Variants in SEMA3E observed in about 807,000 individuals in gnomAD.
The protein encoded by SEMA3E is semaphorin 3E.
Under a neutral mutation model 93.6 loss-of-function variants are expected in SEMA3E, and 49 were observed. The ratio of observed to expected loss-of-function variants is 0.52; its 90% CI spans 0.42 to 0.66. SEMA3E has a LOEUF of 0.66. Among genes scored for constraint, SEMA3E ranks in the 30% least tolerant of loss-of-function variants. SEMA3E has a pLI of 0.00. For missense variants in SEMA3E, 906 were observed against 964.8 expected (o/e 0.94, Z 0.81); for synonymous variants, 363 against 330.7 (o/e 1.10, Z -1.06).
Position 83,648,655 on chromosome 7 carries a change from C to CG in SEMA3E, c.-114dup. On this transcript the variant is annotated 5_prime_UTR_variant, in exon 1 of 17. An upstream open reading frame in the 5' UTR loses its in-frame stop. Transcript: ENST00000643230. Reference sequence around the variant, plus strand: ...GAGAGGCTTTGTCAGAAATCGAACGCGTTGTCATCAGAAAGCACAGTTCCG... The same window carrying CG: ...GAGAGGCTTTGTCAGAAATCGAACGCGGTTGTCATCAGAAAGCACAGTTCCG... The CG allele has an allele frequency of 1.3e-6, 1 of 788,168 alleles. No individual in the cohort carries two copies. The highest frequency in any genetic ancestry group is 2.2e-6 in the Non-Finnish European group (1 of 451,192). The allele number at this position is 788,168 out of a possible 1,614,324, so 48.8% of individuals were successfully genotyped here. A position where few individuals can be genotyped will look rare whatever the true frequency, so the allele number is the denominator to read the frequency against.
intron 4 of SEMA3E, among the ~76,000 whole-genome samples, chr7:83,455,899 C>T (rs978446261): frequency 2.0e-5 from 3 of 152,168 alleles, no homozygotes; most frequent in Admixed American, 6.5e-5. Context: ...CTCATGAACC[C>T]GGAATATGAC....
intron 1 of SEMA3E, among the ~76,000 whole-genome samples, chr7:83,536,056 C>T (rs1385778353): frequency 6.6e-6 from 1 of 152,028 alleles, no homozygotes; most frequent in Non-Finnish European, 1.5e-5. Flanking sequence ...TGTGAAGCAG[C>T]CAAAATGTCT....
At position 83,385,415 on chromosome 7, in the gene SEMA3E, G is replaced by T. The variant is rs761147897; in HGVS notation, c.1754C>A (p.Thr585Asn). 29 of 1,613,230 alleles carry T rather than the reference G, an allele frequency of 1.8e-5. No individual in the cohort carries two copies. The highest frequency in any genetic ancestry group is 5.0e-5 in the Admixed American group (3 of 59,944). The change falls in exon 16 of 17, where the codon ACT (threonine) becomes AAT (asparagine). Residue 585 changes from threonine to asparagine, a missense_variant. Transcript: ENST00000643230. Reference protein sequence around the residue: ...QQFVGDALDKTEEHLAYGIEN... With the variant: ...QQFVGDALDKNEEHLAYGIEN... ...TATGCCATAAGCCAGATGTTCTTCAGTCTTATCCAAAGCATCCCCTACAAC... is the reference window on the plus strand; with the variant it reads ...TATGCCATAAGCCAGATGTTCTTCATTCTTATCCAAAGCATCCCCTACAAC...
At chr7:83,484,010 C>G (rs1449619460) in intron 2 of SEMA3E, among the ~76,000 whole-genome samples, 1 of 152,146 alleles carries the variant, frequency 6.6e-6, no homozygotes, top group Non-Finnish European at 1.5e-5. Flanking sequence ...CTGACCCCAC[C>G]TTTCCAAGAC....
chr7:83,616,121 T>C (rs1208544755), intron 1 of SEMA3E, among the ~76,000 whole-genome samples: 8 of 152,116 alleles, frequency 5.3e-5, no homozygotes, highest in Non-Finnish European at 1.2e-4. Context: ...ATAATTATGT[T>C]CAGTTGGGGG....
chr7:83,366,800 T>A lies in SEMA3E; in HGVS notation c.*786A>T, dbSNP rs184345617. The A allele has an allele frequency of 6.6e-6, 1 of 152,286 alleles. No individual in the cohort carries two copies. Among genetic ancestry groups the A allele is most frequent in the African/African-American group, 2.4e-5 (1 of 41,562 alleles). The allele number at this position is 152,286 out of a possible 1,614,324, so 9.4% of individuals were successfully genotyped here. On this transcript the variant is annotated 3_prime_UTR_variant, in exon 17 of 17. Transcript: ENST00000643230. ...TAGAGAAAAAAGAAATGTGTGAGAA[T>A]ATAATTTTTTTTACCACAAGAGGGA...
At chr7:83,538,659 CAT>C (rs769415632) in intron 1 of SEMA3E, among the ~76,000 whole-genome samples, 17 of 152,074 alleles carry the variant, frequency 1.1e-4, no homozygotes, top group Admixed American at 2.0e-4. Flanking sequence ...ATAGCTGAAA[CAT>C]ATTTTATGAT....
chr7:83,490,306 C>A, intron 1 of SEMA3E, 32 bp from the exon 2 acceptor site: 1 of 1,604,424 alleles, frequency 6.2e-7, no homozygotes, highest in Non-Finnish European at 8.5e-7. Context: ...ACACTAAGCA[C>A]ACGAGAAAAT....
intron 4 of SEMA3E, among the ~76,000 whole-genome samples, chr7:83,421,163 TC>T (rs1240582941): frequency 1.2e-4 from 17 of 142,326 alleles, no homozygotes; most frequent in African/African-American, 4.3e-4. Flanking sequence ...AAATGTACTC[TC>T]AATAATTTGG....
intron 1 of SEMA3E, among the ~76,000 whole-genome samples, chr7:83,500,109 T>A (rs1337824043): frequency 2.6e-5 from 4 of 152,314 alleles, no homozygotes; most frequent in African/African-American, 9.6e-5. Flanking sequence ...TATGAACTAC[T>A]GTGGTATTTT....
In SEMA3E at chr7:83,392,711, T is replaced by C. The variant is rs779888216; in HGVS notation, c.1511A>G (p.Tyr504Cys). 1.2e-6 allele frequency: 2 copies of C among 1,613,782 alleles called. No homozygotes were observed. The highest frequency in any genetic ancestry group is 3.3e-5 in the Admixed American group (2 of 59,970). The change falls in exon 14 of 17, where the codon TAT (tyrosine) becomes TGT (cysteine). Residue 504 changes from tyrosine to cysteine, a missense_variant. Physicochemically the swap from Tyr to Cys is radical, Grantham distance 194. Coordinates refer to ENST00000643230, the MANE Select transcript of SEMA3E (RefSeq NM_012431.3). ...AGCCACAGCAGAAGCAGATCCAATA[T>C]ACAGCTGTTGCTACAGAAATCAGAA... is the stretch of plus-strand genomic sequence containing the variant. ...MEISSKRQQL[Y>C]IGSASAVAQV...
chr7:83,503,175 A>G (rs1263826413), intron 1 of SEMA3E, among the ~76,000 whole-genome samples: 1 of 152,128 alleles, frequency 6.6e-6, no homozygotes, highest in African/African-American at 2.4e-5. Context: ...TCACAATTAC[A>G]TGATTACTGT....
At chr7:83,425,520 A>AT (rs1788752024) in intron 4 of SEMA3E, among the ~76,000 whole-genome samples, 2 of 152,018 alleles carry the variant, frequency 1.3e-5, no homozygotes, top group South Asian at 2.1e-4. Flanking sequence ...TGAATTGTGA[A>AT]TTTTTTCTCA....
At chr7:83,619,904 C>CAGACAGACAGACAGACAGACAGATAGAT (rs71522672) in intron 1 of SEMA3E, among the ~76,000 whole-genome samples, 12 of 148,144 alleles carry the variant, frequency 8.1e-5, no homozygotes, top group East Asian at 4.0e-4. Context: ...GATAGATAGA[C>CAGACAGACAGACAGACAGACAGATAGAT]AGATAGATAG....
chr7:83,638,587 C>T (rs1793927523), intron 1 of SEMA3E, among the ~76,000 whole-genome samples: 1 of 151,990 alleles, frequency 6.6e-6, no homozygotes, highest in Non-Finnish European at 1.5e-5. Context: ...CAAAAATATG[C>T]AGATAATGGT....
rs1348257605 is a variant in SEMA3E at position 83,409,199 on chromosome 7, A to T, written c.551-712T>A. ...TACATAATGTATTCAGGGTCTCAGG[A>T]AATAACCATGTGTCTTTTGAGTAAG... On this transcript the variant is annotated intron_variant, in intron 5 of 16. Coordinates refer to ENST00000643230, the MANE Select transcript of SEMA3E (RefSeq NM_012431.3). Among the ~76,000 whole-genome samples, 4 of 152,200 alleles carry T rather than the reference A, an allele frequency of 2.6e-5. No individual in the cohort carries two copies. The East Asian group carries it at 7.7e-4, about 29-fold the overall frequency.
In SEMA3E at chr7:83,605,415, C is replaced by T. The variant is rs2115997944; in HGVS notation, c.115+43013G>A. On this transcript the variant is annotated intron_variant, in intron 1 of 16. Coordinates refer to ENST00000643230, the MANE Select transcript of SEMA3E (RefSeq NM_012431.3). ...GAGCTTTTATTCACATGTTTCTTGG[C>T]CGCATAAATGTCCTCTCTTTTTTTT... Among the ~76,000 whole-genome samples, 3 of 151,766 alleles carry T rather than the reference C, an allele frequency of 2.0e-5. No homozygotes were observed. The South Asian group carries it at 6.2e-4, about 31-fold the overall frequency.
intron 1 of SEMA3E, among the ~76,000 whole-genome samples, chr7:83,527,827 AT>A (rs1217749433): frequency 6.6e-6 from 1 of 152,002 alleles, no homozygotes; most frequent in Non-Finnish European, 1.5e-5. Context: ...AACAACTTAT[AT>A]CATTTGTGGC....
At position 83,459,687 on chromosome 7, in the gene SEMA3E, A is replaced by G. The variant is rs146390396; in HGVS notation, c.456+6795T>C. 2.8e-3 allele frequency among the ~76,000 whole-genome samples: 424 copies of G among 152,328 alleles called. 2 individuals carry two copies. The highest frequency in any genetic ancestry group is 8.5e-3 in the African/African-American group (353 of 41,578). ...GCTAATTGTCAGGCCTCTGAGCCCA[A>G]GCCAAGCCATCGCATCCCCTGTGAC... On this transcript the variant is annotated intron_variant, in intron 4 of 16. Coordinates refer to ENST00000643230, the MANE Select transcript of SEMA3E (RefSeq NM_012431.3).
Sources: gnomAD v4.1 joint callset for allele counts (sites outside exome capture counted in the v4.1 genomes callset) on GRCh38, gnomAD v4.1.1 for gene constraint, MANE v1.5 for transcripts, NCBI Gene and HGNC (gene_info 2026-07-23, HGNC 2026-07-21) for gene names.